DPP3: variants seen among roughly 807,000 people sequenced by gnomAD.
DPP3 encodes DPP III.
DPP3 carries 64 observed loss-of-function variants against 89.8 expected under a neutral mutation model. The ratio of observed to expected loss-of-function variants is 0.71; its 90% CI spans 0.58 to 0.88. The LOEUF (loss-of-function observed/expected upper bound fraction) is 0.88, where lower values mean the gene tolerates loss of function less well. Among genes scored for constraint, DPP3 ranks in the 40% least tolerant of loss-of-function variants. The pLI is 0.00. For synonymous variants in DPP3, 377 were observed against 404.3 expected (o/e 0.93, Z 0.81); for missense variants, 835 against 972.5 (o/e 0.86, Z 1.88).
intron 1 of DPP3, among the ~76,000 whole-genome samples, chr11:66,481,840 G>A (rs1159035278): frequency 2.0e-5 from 3 of 152,088 alleles, no homozygotes; most frequent in Non-Finnish European, 4.4e-5. Flanking sequence ...TAGAAAGGAG[G>A]TTTCACCATG....
intron 4 of DPP3, 97 bp downstream of exon 4, chr11:66,486,774 G>T: frequency 7.3e-7 from 1 of 1,376,084 alleles, no homozygotes; most frequent in Non-Finnish European, 9.6e-7. Flanking sequence ...GAGGCAGTGG[G>T]CTCTGCCTCA....
intron 2 of DPP3, among the ~76,000 whole-genome samples, chr11:66,484,133 A>T (rs1295416131): frequency 6.6e-6 from 1 of 151,988 alleles, no homozygotes; most frequent in Non-Finnish European, 1.5e-5. Context: ...ATGCACCACC[A>T]CGCCCAGCTA....
chr11:66,482,426 C>G lies in DPP3; in HGVS notation c.226C>G (p.Arg76Gly), dbSNP rs199654699. The stretch of plus-strand genomic sequence containing the variant: ...CCGCGCCCAGGACCCCGACCAGCTG[C>G]GCCAACATGCCCTGGCTGAAGGCCT... ...LFRAQDPDQL[R>G]QHALAEGLTE... The change falls in exon 2 of 18, where the codon CGC becomes GGC. Residue 76 changes from arginine (R) to glycine (G), a missense_variant. Coordinates refer to ENST00000531863, the MANE Select transcript of DPP3 (RefSeq NM_130443.4). 1 of 1,609,002 alleles carries G rather than the reference C, an allele frequency of 6.2e-7. No individual in the cohort carries two copies. Among genetic ancestry groups the G allele is most frequent in the Non-Finnish European group, 8.5e-7 (1 of 1,180,024 alleles).
At chr11:66,481,180 T>C (rs1349159161) in intron 1 of DPP3, among the ~76,000 whole-genome samples, 1 of 152,016 alleles carries the variant, frequency 6.6e-6, no homozygotes, top group Non-Finnish European at 1.5e-5. Flanking sequence ...GTGAGCACAG[T>C]GGAAAGTGTA....
chr11:66,506,696 C>G (rs1286992202), intron 17 of DPP3, among the ~76,000 whole-genome samples: 2 of 152,162 alleles, frequency 1.3e-5, no homozygotes, highest in African/African-American at 4.8e-5. Flanking sequence ...CTTTCTGTTT[C>G]TTCTACCCAC....
At chr11:66,505,809 T>TAAA (rs775818602) in intron 17 of DPP3, among the ~76,000 whole-genome samples, 3 of 88,094 alleles carry the variant, frequency 3.4e-5, no homozygotes, top group Non-Finnish European at 4.7e-5. Context: ...CTCAACTCTT[T>TAAA]AAAAAAAAAA....
At chr11:66,497,066 C>A (rs560853160) in intron 15 of DPP3, among the ~76,000 whole-genome samples, 54 of 152,290 alleles carry the variant, frequency 3.5e-4, no homozygotes, top group African/African-American at 1.2e-3. Flanking sequence ...GCCTCCCTGT[C>A]TCCTAGGGCA....
In DPP3 at chr11:66,509,153, G is replaced by C. The variant is rs199918678; in HGVS notation, c.2116G>C (p.Glu706Gln). ...LIRSFSERFP[E>Q]DGPELEEILT... The stretch of plus-strand genomic sequence containing the variant: ...CCGATCCTTCTCTGAGCGTTTCCCA[G>C]AGGATGGACCCGAGTTGGAGGAGAT... Residue 706 changes from glutamate (E) to glutamine (Q), a missense_variant, in exon 18 of 18, where the codon GAG becomes CAG. Transcript: ENST00000531863. 1.2e-6 allele frequency: 2 copies of C among 1,614,192 alleles called. No individual in the cohort carries two copies. The highest frequency in any genetic ancestry group is 2.2e-5 in the South Asian group (2 of 91,090).
At chr11:66,499,936 C>T (rs546052821) in intron 16 of DPP3, among the ~76,000 whole-genome samples, 20 of 151,790 alleles carry the variant, frequency 1.3e-4, no homozygotes, top group Admixed American at 3.3e-4. Flanking sequence ...GAAAAAAAAA[C>T]AGTGTATATA....
Position 66,485,217 on chromosome 11 carries a change from C to T in DPP3, c.315C>T (p.Asn105=), listed in dbSNP as rs1168767689. 1 of 1,614,036 alleles carries T rather than the reference C, an allele frequency of 6.2e-7. No homozygotes were observed. Among genetic ancestry groups the T allele is most frequent in the African/African-American group, 1.3e-5 (1 of 74,916 alleles). The stretch of plus-strand genomic sequence containing the variant: ...CGGGTGTTTACTCCAACATGGGCAA[C>T]TACAAGTCCTTTGGTGACACCAAGT... ...YAAGVYSNMG[N]YKSFGDTKFV... Residue 105 remains asparagine, a synonymous_variant, in exon 3 of 18, where the codon AAC becomes AAT. Coordinates refer to ENST00000531863, the MANE Select transcript of DPP3 (RefSeq NM_130443.4).
chr11:66,505,674 A>C (rs949182505), intron 17 of DPP3, among the ~76,000 whole-genome samples: 1 of 152,052 alleles, frequency 6.6e-6, no homozygotes, highest in Non-Finnish European at 1.5e-5. Flanking sequence ...TTAGTGGAGG[A>C]GCCAAGAGTC....
At chr11:66,501,747 C>T (rs1457008819) in intron 16 of DPP3, among the ~76,000 whole-genome samples, 1 of 148,498 alleles carries the variant, frequency 6.7e-6, no homozygotes, top group Non-Finnish European at 1.5e-5. Flanking sequence ...ATCACTTGAA[C>T]CTGGGAGGTG....
chr11:66,500,429 T>G (rs927772457), intron 16 of DPP3, among the ~76,000 whole-genome samples: 1 of 151,906 alleles, frequency 6.6e-6, no homozygotes, highest in African/African-American at 2.4e-5. Flanking sequence ...TAAGCAAAAA[T>G]GAACAGAAGA....
Position 66,509,657 on chromosome 11 carries a change from A to G in DPP3, c.*406A>G, listed in dbSNP as rs1855897761. ...CAAATAAATATTAGAGACAACCACC[A>G]TCTTTGCGGCGTGTGTGGCTCCTCC... On this transcript the variant is annotated 3_prime_UTR_variant, in exon 18 of 18. Transcript: ENST00000531863. 2 of 455,874 alleles carry G rather than the reference A, an allele frequency of 4.4e-6. No individual in the cohort carries two copies. The highest frequency in any genetic ancestry group is 2.9e-5 in the Admixed American group (1 of 33,990). 28.2% of individuals were successfully genotyped at this position (455,874 alleles called of 1,614,324 possible).
chr11:66,491,638 TCCACCC>T lies in DPP3; in HGVS notation c.929+16_929+21del. 1 of 1,611,166 alleles carries T rather than the reference TCCACCC, an allele frequency of 6.2e-7. No individual in the cohort carries two copies. The highest frequency in any genetic ancestry group is 8.5e-7 in the Non-Finnish European group (1 of 1,177,722). ...CATCGTGGAGAGGTGAGGCGCCAGC[TCCACCC>T]CACCTGCCCCCTCCTGCCTGCCCCT... On this transcript the variant is annotated intron_variant, in intron 8 of 17. Coordinates refer to ENST00000531863, the MANE Select transcript of DPP3 (RefSeq NM_130443.4).
chr11:66,493,275 T>C lies in DPP3; in HGVS notation c.1296+96T>C, dbSNP rs936470720. ...CCAGAGCAGTAGAGAGGAAAGCACA[T>C]AGCTTCAGTCCTGGCTCTGCCACTT... is the stretch of plus-strand genomic sequence containing the variant. On this transcript the variant is annotated intron_variant, in intron 11 of 17. Coordinates refer to ENST00000531863, the MANE Select transcript of DPP3 (RefSeq NM_130443.4). 1.0e-5 allele frequency: 11 copies of C among 1,094,578 alleles called. No homozygotes were observed. In the African/African-American group the frequency reaches 1.4e-4, roughly 14 times the overall value. The allele number at this position is 1,094,578 out of a possible 1,614,324, so 67.8% of individuals were successfully genotyped here. A position where few individuals can be genotyped will look rare whatever the true frequency, so the allele number is the denominator to read the frequency against.
chr11:66,488,047 G>C, intron 6 of DPP3, 40 bp downstream of exon 6: 1 of 1,588,576 alleles, frequency 6.3e-7, no homozygotes, highest in Non-Finnish European at 8.6e-7. Flanking sequence ...TCCCTCCTGG[G>C]CATTTCCGGA....
rs1855885505 is a variant in DPP3, at chr11:66,509,272, C to T, written c.*21C>T. 2.5e-6 allele frequency: 4 copies of T among 1,591,158 alleles called. No individual in the cohort carries two copies. The highest frequency in any genetic ancestry group is 1.8e-5 in the Admixed American group (1 of 55,182). ...CTTGAGGAAGATGTGTGGCCTTGCC[C>T]CCAATTCCATCAGACCAAGGCTGCA... On this transcript the variant is annotated 3_prime_UTR_variant, in exon 18 of 18. Coordinates refer to ENST00000531863, the MANE Select transcript of DPP3 (RefSeq NM_130443.4).
intron 3 of DPP3, among the ~76,000 whole-genome samples, chr11:66,485,922 C>A (rs1025641175): frequency 3.3e-5 from 4 of 122,866 alleles, no homozygotes; most frequent in Admixed American, 7.4e-5. Context: ...ATTTTCTTTT[C>A]TTTTCTTTTC....
Sources: gnomAD v4.1 joint callset for allele counts (sites outside exome capture counted in the v4.1 genomes callset) on GRCh38, gnomAD v4.1.1 for gene constraint, MANE v1.5 for transcripts, NCBI Gene and HGNC (gene_info 2026-07-23, HGNC 2026-07-21) for gene names.